Variants in INPP5A observed in about 807,000 individuals in gnomAD.
INPP5A encodes inositol polyphosphate-5-phosphatase A, also known as 43 kDa inositol polyphosphate 5-phophatase.
Under a neutral mutation model 65.2 loss-of-function variants are expected in INPP5A, and 14 were observed. The observed-to-expected ratio is 0.21, with a 90% CI of 0.14 to 0.34. The LOEUF is 0.34. INPP5A is among the 10% of genes least tolerant of loss of function. INPP5A has a pLI of 1.00. For missense variants in INPP5A, 431 were observed against 545.6 expected, an observed-to-expected ratio of 0.79 and a Z score of 2.09; for synonymous variants, 207 against 208.3, an observed-to-expected ratio of 0.99 and a Z score of 0.05.
chr10:132,700,183 C>T (rs1845414288), intron 6 of INPP5A, among the ~76,000 whole-genome samples: 1 of 152,378 alleles, frequency 6.6e-6, no homozygotes, highest in Non-Finnish European at 1.5e-5. Flanking sequence ...GGAGAAGGCA[C>T]ATTCTGGAAA....
In INPP5A at chr10:132,582,831, C is replaced by G. The variant is rs1015535563; in HGVS notation, c.76-25084C>G. Among the ~76,000 whole-genome samples, 3 of 152,218 alleles carry G rather than the reference C, an allele frequency of 2.0e-5. No individual in the cohort carries two copies. The East Asian group carries it at 5.8e-4, about 29-fold the overall frequency. ...TGAATTTTATTCCAGGTCCACATGC[C>G]TCAGTTGTGTTGGCATTAGAGTAAG... On this transcript the variant is annotated intron_variant, in intron 1 of 15. Transcript: ENST00000368594.
At chr10:132,689,287 G>A (rs1053339161) in intron 4 of INPP5A, among the ~76,000 whole-genome samples, 3 of 152,172 alleles carry the variant, frequency 2.0e-5, no homozygotes, top group Admixed American at 2.0e-4. Context: ...ACCTGGTAAC[G>A]GTTGGGCTCC....
rs369035501 is a variant in INPP5A, at chr10:132,759,447, A to G, written c.904-6326A>G. Among the ~76,000 whole-genome samples, 420 of 152,350 alleles carry G rather than the reference A, an allele frequency of 2.8e-3. 6 individuals are homozygous for G. The highest frequency in any genetic ancestry group is 8.5e-3 in the African/African-American group (355 of 41,586). On this transcript the variant is annotated intron_variant, in intron 11 of 15. Transcript: ENST00000368594. ...AGGGTGCACAGGCCTGGAATGGTTC[A>G]GAAACACCTCAGCCTGGGATTTCCG...
intron 2 of INPP5A, among the ~76,000 whole-genome samples, chr10:132,640,790 C>G (rs1277912220): frequency 6.6e-6 from 1 of 152,210 alleles, no homozygotes; most frequent in Non-Finnish European, 1.5e-5. Context: ...GTTTCCTGTT[C>G]TTCTTTGCCC....
intron 11 of INPP5A, among the ~76,000 whole-genome samples, chr10:132,759,015 A>C (rs1032441098): frequency 2.0e-5 from 3 of 152,118 alleles, no homozygotes; most frequent in Admixed American, 6.5e-5. Context: ...GTGATATTGA[A>C]CTCTGTTTAC....
intron 4 of INPP5A, among the ~76,000 whole-genome samples, chr10:132,668,315 GCTTT>G (rs2072833831): frequency 1.3e-5 from 2 of 152,134 alleles, no homozygotes; most frequent in African/African-American, 4.8e-5. Flanking sequence ...TTCAGTTGAG[GCTTT>G]CTGTTGGTGG....
chr10:132,692,107 G>A (rs139607579), intron 5 of INPP5A, among the ~76,000 whole-genome samples: 3 of 152,248 alleles, frequency 2.0e-5, no homozygotes, highest in Admixed American at 2.0e-4. Context: ...CTAGGGGCTC[G>A]AGGCTCTGAG....
At position 132,663,001 on chromosome 10, in the gene INPP5A, T is replaced by C. The variant is rs1564954518; in HGVS notation, c.306+12496T>C. Among the ~76,000 whole-genome samples the C allele has an allele frequency of 6.6e-6, 1 of 152,136 alleles. No homozygotes were observed. On this transcript the variant is annotated intron_variant, in intron 4 of 15. Transcript: ENST00000368594. This position sits in a 1 kb window ranked among gnomAD's most constrained non-coding sequence, Gnocchi z 4.5. ...GCACTCTAGAAGGAAAATCTAGTCTTGTGGTGGATGGCTTGTGAGGGGTCA... is the reference window on the plus strand; with the variant it reads ...GCACTCTAGAAGGAAAATCTAGTCTCGTGGTGGATGGCTTGTGAGGGGTCA...
At chr10:132,756,925 T>G (rs1846632293) in intron 11 of INPP5A, among the ~76,000 whole-genome samples, 1 of 152,232 alleles carries the variant, frequency 6.6e-6, no homozygotes, top group Non-Finnish European at 1.5e-5. Flanking sequence ...TGTGTCGTTG[T>G]CTTCATTGTT....
chr10:132,667,740 TG>T (rs1333090284), intron 4 of INPP5A, among the ~76,000 whole-genome samples: 1 of 152,146 alleles, frequency 6.6e-6, no homozygotes, highest in Non-Finnish European at 1.5e-5. Context: ...GAGCAGATGA[TG>T]GGGAATTAAA....
At chr10:132,654,141 C>T (rs1351169881) in intron 4 of INPP5A, among the ~76,000 whole-genome samples, 2 of 152,190 alleles carry the variant, frequency 1.3e-5, no homozygotes, top group Non-Finnish European at 2.9e-5. Context: ...CAGGATAAGG[C>T]TTGGGAGTGA....
chr10:132,708,528 G>T (rs3750576), intron 7 of INPP5A, 163 bp downstream of exon 7: 6 of 781,856 alleles, frequency 7.7e-6, no homozygotes, highest in Non-Finnish European at 1.4e-5. Flanking sequence ...TTTGGTTCAC[G>T]GCGATGCATT....
chr10:132,573,355 T>C (rs2071374033), intron 1 of INPP5A, among the ~76,000 whole-genome samples: 2 of 114,144 alleles, frequency 1.8e-5, no homozygotes, highest in African/African-American at 7.4e-5. Context: ...GTTTTGTTGA[T>C]GTTGAGGTGT....
intron 1 of INPP5A, among the ~76,000 whole-genome samples, chr10:132,562,933 C>T (rs1183128356): frequency 6.6e-6 from 1 of 152,212 alleles, no homozygotes; most frequent in East Asian, 1.9e-4. Flanking sequence ...CCCTGGTGCC[C>T]CCTTCCCTGT....
At chr10:132,730,539 C>T (rs1379877180) in intron 9 of INPP5A, among the ~76,000 whole-genome samples, 1 of 152,248 alleles carries the variant, frequency 6.6e-6, no homozygotes. Context: ...GTAGGAAGAG[C>T]AGCTCCTGCG....
chr10:132,725,439 C>A (rs1008792249), intron 8 of INPP5A, among the ~76,000 whole-genome samples: 2 of 152,204 alleles, frequency 1.3e-5, no homozygotes, highest in South Asian at 4.1e-4. Context: ...TCAGCGGTGG[C>A]GGCGGGGCAA....
Position 132,678,509 on chromosome 10 carries a change from T to C in INPP5A, c.307-11883T>C, listed in dbSNP as rs1276763634. Among the ~76,000 whole-genome samples, 1 of 152,210 alleles carries C rather than the reference T, an allele frequency of 6.6e-6. No individual in the cohort carries two copies. The highest frequency in any genetic ancestry group is 1.5e-5 in the Non-Finnish European group (1 of 68,034). ...GCTTCTCGGGAGCACCGTGAACCTG[T>C]GCCTTGGGTTGTGCTTTGAGACCTG... On this transcript the variant is annotated intron_variant, in intron 4 of 15. Transcript: ENST00000368594. This position sits in a 1 kb window ranked among gnomAD's most constrained non-coding sequence, Gnocchi z 4.1.
chr10:132,730,373 G>T (rs1590964433), intron 9 of INPP5A, among the ~76,000 whole-genome samples: 1 of 152,318 alleles, frequency 6.6e-6, no homozygotes, highest in Admixed American at 6.5e-5. Flanking sequence ...CAGCCGGGTG[G>T]GCTGGTGGAC....
intron 1 of INPP5A, among the ~76,000 whole-genome samples, chr10:132,569,577 CG>C (rs1373225772): frequency 6.6e-6 from 1 of 152,174 alleles, no homozygotes; most frequent in African/African-American, 2.4e-5. Flanking sequence ...AGGCTGGTCT[CG>C]AACTCCTGAG....
Sources: gnomAD v4.1 joint callset for allele counts (sites outside exome capture counted in the v4.1 genomes callset) on GRCh38, gnomAD v4.1.1 for gene constraint, Gnocchi (gnomAD v3.1) non-coding constraint, MANE v1.5 for transcripts, NCBI Gene and HGNC (gene_info 2026-07-23, HGNC 2026-07-21) for gene names.